Variants in PRUNE2 observed in about 807,000 individuals in gnomAD.
The protein encoded by PRUNE2 is prune homolog 2 with BCH domain.
A neutral mutation model predicts 252.0 loss-of-function variants in PRUNE2; 164 were observed. The observed-to-expected ratio is 0.65, with a 90% CI of 0.57 to 0.74. PRUNE2 has a LOEUF of 0.74. Among genes scored for constraint, PRUNE2 ranks in the 30% least tolerant of loss-of-function variants. PRUNE2 has a pLI of 0.00. For missense variants in PRUNE2, 3,495 were observed against 3,711.0 expected (o/e 0.94, Z 1.51); for synonymous variants, 1,292 against 1,350.2 (o/e 0.96, Z 0.94).
At chr9:76,764,164 G>A (rs916667978) in intron 6 of PRUNE2, among the ~76,000 whole-genome samples, 14 of 152,278 alleles carry the variant, frequency 9.2e-5, no homozygotes, top group African/African-American at 2.6e-4. Context: ...AGTGATATAG[G>A]AGCCAACAAG....
At chr9:76,823,421 T>C in intron 6 of PRUNE2, 1 of 522,500 alleles carries the variant, frequency 1.9e-6, no homozygotes, top group Non-Finnish European at 3.4e-6. Flanking sequence ...TGAAAGAGCA[T>C]TCATCTTGAG....
intron 9 of PRUNE2, among the ~76,000 whole-genome samples, chr9:76,678,953 A>G (rs761504340): frequency 6.6e-6 from 1 of 152,256 alleles, no homozygotes; most frequent in Non-Finnish European, 1.5e-5. Flanking sequence ...ACTGCATCTA[A>G]CAAGAATCTA....
chr9:76,820,798 G>C (rs1164341082), intron 6 of PRUNE2, among the ~76,000 whole-genome samples: 2 of 152,162 alleles, frequency 1.3e-5, no homozygotes, highest in African/African-American at 4.8e-5. Flanking sequence ...AACTGGTTGG[G>C]AGAGGAAAAA....
chr9:76,616,407 T>C (rs1375982077), intron 18 of PRUNE2, among the ~76,000 whole-genome samples: 5 of 152,188 alleles, frequency 3.3e-5, no homozygotes, highest in African/African-American at 9.7e-5. Flanking sequence ...CTTTTTCCCA[T>C]AGATGAAGAG....
At chr9:76,693,500 G>A (rs1025850291) in intron 9 of PRUNE2, among the ~76,000 whole-genome samples, 28 of 144,218 alleles carry the variant, frequency 1.9e-4, no homozygotes, top group Non-Finnish European at 2.4e-4. Context: ...CTGGAGTGCC[G>A]TGGTGTGATG....
intron 6 of PRUNE2, among the ~76,000 whole-genome samples, chr9:76,809,222 A>G (rs1433763216): frequency 1.3e-5 from 2 of 152,224 alleles, no homozygotes; most frequent in Non-Finnish European, 2.9e-5. Context: ...CATTAGAGCC[A>G]ATTATAATTG....
chr9:76,648,228 A>C (rs965890722), intron 11 of PRUNE2, among the ~76,000 whole-genome samples: 1 of 152,190 alleles, frequency 6.6e-6, no homozygotes, highest in African/African-American at 2.4e-5. Context: ...TGGGAATGCA[A>C]AATGGTCCAG....
intron 6 of PRUNE2, among the ~76,000 whole-genome samples, chr9:76,727,709 G>GGTTT (rs1204168069): frequency 1.4e-5 from 1 of 72,070 alleles, no homozygotes; most frequent in Non-Finnish European, 3.0e-5. Flanking sequence ...GGTAAACAGG[G>GGTTT]CTTTTTTTTT....
chr9:76,864,013 T>G (rs1200355750), intron 1 of PRUNE2, among the ~76,000 whole-genome samples: 1 of 152,186 alleles, frequency 6.6e-6, no homozygotes, highest in Non-Finnish European at 1.5e-5. Flanking sequence ...ACAGCGCTAT[T>G]CCCAACAGCA....
intron 6 of PRUNE2, among the ~76,000 whole-genome samples, chr9:76,789,944 T>C (rs546977454): frequency 6.6e-6 from 1 of 152,230 alleles, no homozygotes; most frequent in African/African-American, 2.4e-5. Context: ...CTCAGATAAA[T>C]GTGCAACCCC....
intron 1 of PRUNE2, among the ~76,000 whole-genome samples, chr9:76,889,531 G>A (rs1220760649): frequency 6.6e-6 from 1 of 151,984 alleles, no homozygotes; most frequent in Non-Finnish European, 1.5e-5. Flanking sequence ...AGTTGACCTG[G>A]CTGGTCTCAA....
At position 76,705,868 on chromosome 9, in the gene PRUNE2, G is replaced by C. The variant is rs2046275804; in HGVS notation, c.6406C>G (p.Leu2136Val). 1.2e-6 allele frequency: 2 copies of C among 1,613,684 alleles called. No individual in the cohort carries two copies. The highest frequency in any genetic ancestry group is 1.7e-6 in the Non-Finnish European group (2 of 1,179,878). Residue 2136 changes from leucine to valine, a missense_variant, in exon 8 of 19, where the codon CTC (leucine) becomes GTC (valine). Leu to Val is a conservative substitution (Grantham distance 32). Coordinates refer to ENST00000376718, the MANE Select transcript of PRUNE2 (RefSeq NM_015225.3). Reference sequence around the variant, plus strand: ...TCTTCATCTATCTCTGGCTCAGTGAGACAAAGCTCACTGGATTCCACTTCA... The same window carrying C: ...TCTTCATCTATCTCTGGCTCAGTGACACAAAGCTCACTGGATTCCACTTCA... Reference protein sequence around the residue: ...GPEVESSELCLTEPEIDEEPI... With the variant: ...GPEVESSELCVTEPEIDEEPI...
At chr9:76,670,542 A>G (rs1402418250) in intron 9 of PRUNE2, among the ~76,000 whole-genome samples, 5 of 152,038 alleles carry the variant, frequency 3.3e-5, no homozygotes, top group Non-Finnish European at 7.4e-5. Context: ...AACTGGGTGG[A>G]GCCCACCACA....
chr9:76,872,192 G>A (rs532088795), intron 1 of PRUNE2, among the ~76,000 whole-genome samples: 9 of 152,102 alleles, frequency 5.9e-5, no homozygotes, highest in African/African-American at 9.6e-5. Context: ...TCCAAGCATC[G>A]TCACAGGCAC....
chr9:76,743,355 T>C (rs568419667), intron 6 of PRUNE2, among the ~76,000 whole-genome samples: 1 of 152,228 alleles, frequency 6.6e-6, no homozygotes, highest in African/African-American at 2.4e-5. Flanking sequence ...TCTATAGTTT[T>C]GAGAAGCTAG....
chr9:76,708,673 G>T lies in PRUNE2; in HGVS notation c.3601C>A (p.Pro1201Thr), dbSNP rs771753580. The T allele has an allele frequency of 1.2e-6, 2 of 1,613,918 alleles. No homozygotes were observed. Among genetic ancestry groups the T allele is most frequent in the South Asian group, 2.2e-5 (2 of 91,078 alleles). The change falls in exon 8 of 19, where the codon CCC becomes ACC. Residue 1201 changes from proline to threonine, a missense_variant. Transcript: ENST00000376718. ...TCATTCAATGTGTGATGTTCACTGG[G>T]AGCACTGTCCTTGGTATGCTCATCA... ...ASDEHTKDSAPSEHHTLNEKS... is the reference protein window; with the variant it reads ...ASDEHTKDSATSEHHTLNEKS...
chr9:76,688,469 G>A (rs78695468), intron 9 of PRUNE2, among the ~76,000 whole-genome samples: 5 of 152,284 alleles, frequency 3.3e-5, no homozygotes, highest in East Asian at 3.9e-4. Context: ...TCTCAGACAC[G>A]AAGAATGAAA....
At position 76,705,105 on chromosome 9, in the gene PRUNE2, G is replaced by A; in HGVS notation, c.7169C>T (p.Ala2390Val). ...LEEDSLKQSLAPYTPPFDLSY... is the reference protein window; with the variant it reads ...LEEDSLKQSLVPYTPPFDLSY... ...CAAATCAAAGGGAGGTGTGTACGGT[G>A]CCAGCGACTGCTTCAGAGAATCTTC... The change falls in exon 8 of 19, where the codon GCA becomes GTA. Residue 2390 changes from alanine to valine, a missense_variant. Physicochemically the swap from Ala to Val is moderately conservative, Grantham distance 64. Coordinates refer to ENST00000376718, the MANE Select transcript of PRUNE2 (RefSeq NM_015225.3). 6.2e-7 allele frequency: 1 copy of A among 1,614,008 alleles called. No homozygotes were observed. Among genetic ancestry groups the A allele is most frequent in the Non-Finnish European group, 8.5e-7 (1 of 1,179,882 alleles).
intron 6 of PRUNE2, among the ~76,000 whole-genome samples, chr9:76,810,798 T>C (rs2057307919): frequency 6.6e-6 from 1 of 152,228 alleles, no homozygotes; most frequent in Non-Finnish European, 1.5e-5. Flanking sequence ...GTATTGACCA[T>C]GGATGGGAAA....
Sources: allele counts gnomAD v4.1 joint callset (sites outside exome capture counted in the v4.1 genomes callset), GRCh38; gene constraint gnomAD v4.1.1; transcripts MANE v1.5; gene names NCBI Gene and HGNC (gene_info 2026-07-23, HGNC 2026-07-21).